The following HS3ST3B1 variants were observed in gnomAD, a reference collection of about 807,000 sequenced individuals.
HS3ST3B1 encodes the protein heparan sulfate glucosamine 3-O-sulfotransferase 3B1.
A neutral mutation model predicts 21.3 loss-of-function variants in HS3ST3B1; 13 were observed. That is an observed-to-expected ratio of 0.61 (90% CI 0.40 to 0.97). HS3ST3B1 has a LOEUF of 0.97. Ranked by LOEUF, HS3ST3B1 falls within the 50% of genes least tolerant of loss-of-function variation. HS3ST3B1 has a pLI of 0.00. For missense variants in HS3ST3B1, 459 were observed against 554.8 expected (o/e 0.83, Z 1.73); for synonymous variants, 234 against 254.8 (o/e 0.92, Z 0.78).
chr17:14,338,663 G>A (rs748799293), intron 1 of HS3ST3B1, among the ~76,000 whole-genome samples: 1 of 149,672 alleles, frequency 6.7e-6, no homozygotes, highest in Admixed American at 6.6e-5. Context: ...GGCTGGTCTC[G>A]AACTCCTGAC....
chr17:14,344,843 C>G (rs994093001), intron 1 of HS3ST3B1, among the ~76,000 whole-genome samples, 185 bp from the exon 2 acceptor site: 1 of 152,174 alleles, frequency 6.6e-6, no homozygotes, highest in Non-Finnish European at 1.5e-5. Context: ...GTAGATGGTA[C>G]CTGCCCTCCA....
At chr17:14,332,912 T>C (rs1370299527) in intron 1 of HS3ST3B1, among the ~76,000 whole-genome samples, 1 of 150,500 alleles carries the variant, frequency 6.6e-6, no homozygotes. Flanking sequence ...CTGAGAAGGG[T>C]TTTTCTTTTT....
At chr17:14,332,691 C>CAG (rs753415426) in intron 1 of HS3ST3B1, among the ~76,000 whole-genome samples, 14 of 151,894 alleles carry the variant, frequency 9.2e-5, no homozygotes, top group Non-Finnish European at 1.6e-4. Flanking sequence ...CCCCAAGGAA[C>CAG]AGAGCAGGAG....
chr17:14,316,742 G>A (rs1909513097), intron 1 of HS3ST3B1, among the ~76,000 whole-genome samples: 2 of 152,186 alleles, frequency 1.3e-5, no homozygotes, highest in Admixed American at 6.5e-5. Flanking sequence ...GTGGCCAAGG[G>A]GAACACTGAA....
intron 1 of HS3ST3B1, among the ~76,000 whole-genome samples, chr17:14,302,364 A>C (rs1348323926): frequency 6.6e-6 from 1 of 152,186 alleles, no homozygotes; most frequent in Admixed American, 6.5e-5. Context: ...GCCCTCAGCA[A>C]AGCGAGCCAC....
In HS3ST3B1 at chr17:14,313,433, G is replaced by A. The variant is rs115274615; in HGVS notation, c.554+11361G>A. Among the ~76,000 whole-genome samples, 471 of 152,134 alleles carry A rather than the reference G, an allele frequency of 3.1e-3. 2 individuals carry two copies. Among genetic ancestry groups the A allele is most frequent in the African/African-American group, 0.011 (439 of 41,486 alleles). ...TTCTCTGCAGGACCTCCTCTTGCTC[G>A]AAGCACCACTTAATTTAGCTCTTCC... is the stretch of plus-strand genomic sequence containing the variant. On this transcript the variant is annotated intron_variant, in intron 1 of 1. Transcript: ENST00000360954.
chr17:14,309,297 G>A (rs1909229066), intron 1 of HS3ST3B1, among the ~76,000 whole-genome samples: 1 of 152,236 alleles, frequency 6.6e-6, no homozygotes, highest in Admixed American at 6.5e-5. Context: ...GAGCTTCCCA[G>A]TGCGGGGGCA....
At chr17:14,325,486 A>G (rs1909780986) in intron 1 of HS3ST3B1, among the ~76,000 whole-genome samples, 1 of 152,212 alleles carries the variant, frequency 6.6e-6, no homozygotes, top group African/African-American at 2.4e-5. Flanking sequence ...CCCACCAGAA[A>G]GAACTTATTT....
chr17:14,301,568 G>A lies in HS3ST3B1; in HGVS notation c.50G>A (p.Arg17Gln). ...AGATCTTGCCTCGATGTCCCCGGCC[G>A]GCTCCTACCGCAGCCGCCGCCGCCC... is the stretch of plus-strand genomic sequence containing the variant. Reference protein sequence around the residue: ...GGRSCLDVPGRLLPQPPPPPP... With the variant: ...GGRSCLDVPGQLLPQPPPPPP... The change falls in exon 1 of 2, where the codon CGG becomes CAG. Residue 17 changes from arginine to glutamine, a missense_variant. Coordinates refer to ENST00000360954, the MANE Select transcript of HS3ST3B1 (RefSeq NM_006041.3). The A allele has an allele frequency of 6.3e-7, 1 of 1,594,576 alleles. No homozygotes were observed. The highest frequency in any genetic ancestry group is 1.1e-5 in the South Asian group (1 of 90,170).
intron 1 of HS3ST3B1, among the ~76,000 whole-genome samples, chr17:14,343,258 A>T (rs990656951): frequency 6.6e-6 from 1 of 152,106 alleles, no homozygotes; most frequent in African/African-American, 2.4e-5. Context: ...AAAAAAAGAA[A>T]AGAAAAGAAA....
In HS3ST3B1 at chr17:14,301,204, G is replaced by C. The variant is rs114384919; in HGVS notation, c.-315G>C. On this transcript the variant is annotated 5_prime_UTR_variant, in exon 1 of 2. Transcript: ENST00000360954. ...ACAGTCTAGAGTGGCCAGGGCGCGAGAGTGCAACGTCCTCCTGGCCCCGAG... is the reference window on the plus strand; with the variant it reads ...ACAGTCTAGAGTGGCCAGGGCGCGACAGTGCAACGTCCTCCTGGCCCCGAG... The C allele has an allele frequency of 0.014, 5,700 of 412,720 alleles. 280 individuals are homozygous for C. Among genetic ancestry groups the C allele is most frequent in the African/African-American group, 0.11 (5,281 of 46,336 alleles). 25.6% of individuals were successfully genotyped at this position (412,720 alleles called of 1,614,324 possible).
At chr17:14,318,485 T>C (rs985101068) in intron 1 of HS3ST3B1, among the ~76,000 whole-genome samples, 1 of 152,168 alleles carries the variant, frequency 6.6e-6, no homozygotes, top group African/African-American at 2.4e-5. Flanking sequence ...CCCAGTGTGA[T>C]TTAGTCCTGG....
chr17:14,309,825 A>G (rs1054220685), intron 1 of HS3ST3B1, among the ~76,000 whole-genome samples: 1 of 152,230 alleles, frequency 6.6e-6, no homozygotes, highest in Admixed American at 6.5e-5. Flanking sequence ...CCTGGCTGGC[A>G]GGACCCGAGT....
rs564182042 is a variant in HS3ST3B1 at position 14,306,415 on chromosome 17, C to A, written c.554+4343C>A. Among the ~76,000 whole-genome samples, 3 of 152,296 alleles carry A rather than the reference C, an allele frequency of 2.0e-5. No homozygotes were observed. In the East Asian group the frequency reaches 5.8e-4, roughly 29 times the overall value. ...GAGGAGGATGTGAGGTTAAATGACA[C>A]GTTCCAGAACTTCTTGGAATTAATT... On this transcript the variant is annotated intron_variant, in intron 1 of 1. Transcript: ENST00000360954.
intron 1 of HS3ST3B1, chr17:14,304,837 A>G (rs1174075456): frequency 1.3e-5 from 2 of 152,198 alleles, no homozygotes; most frequent in African/African-American, 4.8e-5. Flanking sequence ...ACAAAAAACG[A>G]TGGGGACGAA....
At position 14,349,191 on chromosome 17, in the gene HS3ST3B1, A is replaced by C. The variant is rs1475035794; in HGVS notation, c.*3545A>C. The C allele has an allele frequency of 6.6e-6, 1 of 152,212 alleles. No individual in the cohort carries two copies. Among genetic ancestry groups the C allele is most frequent in the Non-Finnish European group, 1.5e-5 (1 of 68,036 alleles). The allele number at this position is 152,212 out of a possible 1,614,324, so 9.4% of individuals were successfully genotyped here. ...ATTAATTTATCACTGAGTCTCATTC[A>C]ACCAAGTAATCTAAAATACTGTGCA... On this transcript the variant is annotated 3_prime_UTR_variant, in exon 2 of 2. Transcript: ENST00000360954.
chr17:14,311,199 G>T (rs1342089969), intron 1 of HS3ST3B1, among the ~76,000 whole-genome samples: 1 of 146,370 alleles, frequency 6.8e-6, no homozygotes, highest in Non-Finnish European at 1.5e-5. Context: ...CTCCCGTGTA[G>T]CAGGGACTAC....
chr17:14,340,538 A>G (rs532958491), intron 1 of HS3ST3B1, among the ~76,000 whole-genome samples: 13 of 152,092 alleles, frequency 8.5e-5, no homozygotes, highest in African/African-American at 1.2e-4. Context: ...ATGGTCCTGA[A>G]TAAAGTCTTT....
intron 1 of HS3ST3B1, among the ~76,000 whole-genome samples, chr17:14,313,119 T>TATAC (rs1909378353): frequency 1.6e-4 from 23 of 147,376 alleles, no homozygotes; most frequent in Middle Eastern, 3.4e-3. Context: ...TATATATATA[T>TATAC]ATATGTGTGT....
Sources: allele counts gnomAD v4.1 joint callset (sites outside exome capture counted in the v4.1 genomes callset), GRCh38; gene constraint gnomAD v4.1.1; transcripts MANE v1.5; gene names NCBI Gene and HGNC (gene_info 2026-07-23, HGNC 2026-07-21).